The following SH3BGRL2 variants were observed in gnomAD, a reference collection of about 807,000 sequenced individuals.
SH3BGRL2 encodes SH3 domain-binding glutamic acid-rich-like protein 2.
In SH3BGRL2, 21 loss-of-function variants were observed where a neutral mutation model predicts 14.8. The observed-to-expected ratio is 1.42, with a 90% CI of 1.01 to 2.05. The LOEUF (loss-of-function observed/expected upper bound fraction) is 2.05, where lower values mean the gene tolerates loss of function less well. Ranked by LOEUF, SH3BGRL2 falls within the 30% of genes most tolerant of loss-of-function variation. SH3BGRL2 has a pLI of 0.00. For synonymous variants in SH3BGRL2, 50 were observed against 47.8 expected, an observed-to-expected ratio of 1.05 and a Z score of -0.19; for missense variants, 147 against 130.8, an observed-to-expected ratio of 1.12 and a Z score of -0.61.
chr6:79,613,676 G>T, the SH3BGRL2 span, among the ~76,000 whole-genome samples: 1 of 151,984 alleles, frequency 6.6e-6, no homozygotes, highest in Non-Finnish European at 1.5e-5. Flanking sequence ...AGTGCATTCG[G>T]CTCACTGCAA....
upstream of SH3BGRL2, among the ~76,000 whole-genome samples, chr6:79,629,970 G>A (rs367862645): frequency 8.5e-4 from 130 of 152,136 alleles, 1 homozygote; most frequent in East Asian, 5.6e-3. Context: ...TAGGAAATAC[G>A]GTATCTACTT....
chr6:79,662,752 G>A (rs1313263856), intron 1 of SH3BGRL2, among the ~76,000 whole-genome samples: 1 of 152,086 alleles, frequency 6.6e-6, no homozygotes, highest in African/African-American at 2.4e-5. Flanking sequence ...TTCCAACTTG[G>A]TTCCATTCTC....
chr6:79,556,338 G>A, the SH3BGRL2 span, among the ~76,000 whole-genome samples: 1 of 152,010 alleles, frequency 6.6e-6, no homozygotes, highest in Non-Finnish European at 1.5e-5. Context: ...AAAATACAAA[G>A]TCTCCACTAA....
the SH3BGRL2 span, among the ~76,000 whole-genome samples, chr6:79,617,683 T>C: frequency 6.6e-6 from 1 of 152,366 alleles, no homozygotes; most frequent in South Asian, 2.1e-4. Flanking sequence ...TTTGTCTGAT[T>C]GTTTGCTTGT....
intron 2 of SH3BGRL2, among the ~76,000 whole-genome samples, chr6:79,677,066 T>A (rs927131395): frequency 6.6e-6 from 1 of 152,180 alleles, no homozygotes; most frequent in African/African-American, 2.4e-5. Context: ...CAGTGTCGGC[T>A]CTTATCAAGG....
the SH3BGRL2 span, among the ~76,000 whole-genome samples, chr6:79,615,849 T>TC: frequency 3.7e-4 from 53 of 145,010 alleles, no homozygotes; most frequent in Middle Eastern, 3.6e-3. Flanking sequence ...TTTTTTTTTT[T>TC]AGACAAGAGT....
chr6:79,673,402 C>T (rs1032313517), intron 1 of SH3BGRL2, among the ~76,000 whole-genome samples: 9 of 151,974 alleles, frequency 5.9e-5, no homozygotes, highest in African/African-American at 2.2e-4. Flanking sequence ...TAGAGAGACC[C>T]CATCTCAAAA....
At chr6:79,614,460 C>T in the SH3BGRL2 span, among the ~76,000 whole-genome samples, 1 of 152,290 alleles carries the variant, frequency 6.6e-6, no homozygotes, top group Non-Finnish European at 1.5e-5. Flanking sequence ...ACTGCGGACC[C>T]TGCTGGGATC....
chr6:79,572,526 C>T, the SH3BGRL2 span, among the ~76,000 whole-genome samples: 1 of 152,124 alleles, frequency 6.6e-6, no homozygotes, highest in East Asian at 1.9e-4. Context: ...AGTGCAGTGG[C>T]GTGATCTCAG....
upstream of SH3BGRL2, among the ~76,000 whole-genome samples, chr6:79,629,544 C>G (rs1768785747): frequency 6.6e-6 from 1 of 152,136 alleles, no homozygotes; most frequent in African/African-American, 2.4e-5. Flanking sequence ...TTCAAACCTA[C>G]TTTTTCAGCA....
chr6:79,580,799 C>G, the SH3BGRL2 span, among the ~76,000 whole-genome samples: 1 of 152,088 alleles, frequency 6.6e-6, no homozygotes, highest in Middle Eastern at 3.2e-3. Flanking sequence ...CAGAGCAGAA[C>G]TGAAAGAGAC....
chr6:79,627,753 T>C (rs1768759812), upstream of SH3BGRL2, among the ~76,000 whole-genome samples: 1 of 152,206 alleles, frequency 6.6e-6, no homozygotes, highest in African/African-American at 2.4e-5. Context: ...CAAGGGACTC[T>C]TCATGGCTCC....
intron 2 of SH3BGRL2, among the ~76,000 whole-genome samples, chr6:79,678,634 C>A (rs1251572210): frequency 6.6e-6 from 1 of 152,076 alleles, no homozygotes; most frequent in Non-Finnish European, 1.5e-5. Context: ...GTTTTCAATT[C>A]TTTTAATTTT....
the SH3BGRL2 span, among the ~76,000 whole-genome samples, chr6:79,620,552 G>A: frequency 3.3e-5 from 5 of 151,904 alleles, no homozygotes; most frequent in Admixed American, 1.3e-4. Context: ...CTGTGTGAGG[G>A]TTGGCATCCT....
chr6:79,666,372 T>A (rs978118680), intron 1 of SH3BGRL2, among the ~76,000 whole-genome samples: 3 of 152,216 alleles, frequency 2.0e-5, no homozygotes, highest in African/African-American at 4.8e-5. Context: ...AAGCTCCACC[T>A]AGTACACTGA....
intron 1 of SH3BGRL2, among the ~76,000 whole-genome samples, chr6:79,660,564 C>T (rs2127729220): frequency 6.6e-6 from 1 of 152,258 alleles, no homozygotes; most frequent in Admixed American, 6.5e-5. Context: ...AGGATTTTTG[C>T]ATCGATGTTC....
At chr6:79,664,807 T>G (rs943799751) in intron 1 of SH3BGRL2, among the ~76,000 whole-genome samples, 6 of 152,218 alleles carry the variant, frequency 3.9e-5, no homozygotes, top group African/African-American at 1.4e-4. Context: ...CTGAAATATT[T>G]CATTTGAAAG....
chr6:79,703,440 A>G lies in SH3BGRL2; in HGVS notation c.*3931A>G, dbSNP rs1444927872. On this transcript the variant is annotated 3_prime_UTR_variant, in exon 4 of 4. Transcript: ENST00000369838. ...ATATATATGCTAAAGTATAAAGAGTAATAATAATGACAATAAACAAACCCC... is the reference window on the plus strand; with the variant it reads ...ATATATATGCTAAAGTATAAAGAGTGATAATAATGACAATAAACAAACCCC... 1.3e-5 allele frequency: 2 copies of G among 152,190 alleles called. No homozygotes were observed. The highest frequency in any genetic ancestry group is 2.9e-5 in the Non-Finnish European group (2 of 68,034). The allele number at this position is 152,190 out of a possible 1,614,324, so 9.4% of individuals were successfully genotyped here. A position where few individuals can be genotyped will look rare whatever the true frequency, so the allele number is the denominator to read the frequency against.
intron 1 of SH3BGRL2, among the ~76,000 whole-genome samples, chr6:79,672,814 A>C (rs964727199): frequency 2.0e-5 from 3 of 152,216 alleles, no homozygotes. Flanking sequence ...CCTCAAGAGC[A>C]CATCTGACCC....
Sources: gnomAD v4.1 joint callset for allele counts (sites outside exome capture counted in the v4.1 genomes callset) on GRCh38, gnomAD v4.1.1 for gene constraint, MANE v1.5 for transcripts, NCBI Gene and HGNC (gene_info 2026-07-23, HGNC 2026-07-21) for gene names.